Variants in DLGAP2 observed in about 807,000 individuals in gnomAD.
DLGAP2 encodes disks large-associated protein 2.
In DLGAP2, 26 loss-of-function variants were observed where a neutral mutation model predicts 100.3. That is an observed-to-expected ratio of 0.26 (90% CI 0.19 to 0.36). DLGAP2 has a LOEUF of 0.36. DLGAP2 is among the 10% of genes least tolerant of loss of function. The probability of loss-of-function intolerance (pLI) is 1.00; values close to 1 mark genes in which losing one functional copy is unlikely to be tolerated. For synonymous variants in DLGAP2, 886 were observed against 630.1 expected (o/e 1.41, Z -6.08); for missense variants, 1,858 against 1,453.2 (o/e 1.28, Z -4.53).
chr8:984,515 CTGGCCACAGACCAAACCA>C (rs1361412714), intron 2 of DLGAP2, among the ~76,000 whole-genome samples: 22 of 152,322 alleles, frequency 1.4e-4, no homozygotes, highest in African/African-American at 5.1e-4. Flanking sequence ...GCCCACGCTC[CTGGCCACAGACCAAACCA>C]CGGCCGTGCC....
intron 3 of DLGAP2, among the ~76,000 whole-genome samples, chr8:1,499,984 G>T (rs368393889): frequency 6.0e-5 from 9 of 148,800 alleles, no homozygotes; most frequent in African/African-American, 1.5e-4. Flanking sequence ...ACACTTGGGT[G>T]GGGGGGGTGG....
chr8:892,455 C>T (rs1252581896), intron 1 of DLGAP2, among the ~76,000 whole-genome samples: 1 of 152,150 alleles, frequency 6.6e-6, no homozygotes, highest in Non-Finnish European at 1.5e-5. Context: ...CACAGAAAGA[C>T]CTTGCTGTGT....
chr8:1,431,694 G>C (rs1349674942), intron 3 of DLGAP2, among the ~76,000 whole-genome samples: 1 of 152,232 alleles, frequency 6.6e-6, no homozygotes, highest in Non-Finnish European at 1.5e-5. Context: ...CTGCGGAGTG[G>C]AGGCACTGGC....
Position 1,706,636 on chromosome 8 carries a change from A to T in DLGAP2, c.*5230A>T, listed in dbSNP as rs1228774528. 3 of 152,194 alleles carry T rather than the reference A, an allele frequency of 2.0e-5. No individual in the cohort carries two copies. The highest frequency in any genetic ancestry group is 4.4e-5 in the Non-Finnish European group (3 of 68,042). The allele number at this position is 152,194 out of a possible 1,614,324, so 9.4% of individuals were successfully genotyped here. A position where few individuals can be genotyped will look rare whatever the true frequency, so the allele number is the denominator to read the frequency against. On this transcript the variant is annotated 3_prime_UTR_variant, in exon 15 of 15. Transcript: ENST00000637795. The stretch of plus-strand genomic sequence containing the variant: ...TTCCAAGAACAAGAACCCAGCACCA[A>T]CCAGAATTAGGCCACGTTTTCACCA...
At chr8:1,185,732 C>G (rs1797487144) in intron 2 of DLGAP2, among the ~76,000 whole-genome samples, 1 of 41,572 alleles carries the variant, frequency 2.4e-5, no homozygotes, top group Non-Finnish European at 4.8e-5. Context: ...CACACTCACA[C>G]TCACACACAC....
intron 2 of DLGAP2, among the ~76,000 whole-genome samples, chr8:1,059,225 G>C (rs1802977748): frequency 6.6e-6 from 1 of 152,054 alleles, no homozygotes; most frequent in African/African-American, 2.4e-5. Context: ...TCCATCACCA[G>C]CTGGGCCTCA....
intron 2 of DLGAP2, among the ~76,000 whole-genome samples, chr8:1,090,026 C>A (rs553203450): frequency 4.0e-5 from 6 of 150,520 alleles, no homozygotes; most frequent in Admixed American, 1.3e-4. Flanking sequence ...GCCCTCCTGG[C>A]CAGGCAGGGG....
chr8:1,552,786 C>T (rs541040417), intron 5 of DLGAP2, among the ~76,000 whole-genome samples: 2 of 152,192 alleles, frequency 1.3e-5, no homozygotes, highest in Non-Finnish European at 2.9e-5. Context: ...CATTTTCACC[C>T]TTGGTTTGTA....
intron 2 of DLGAP2, among the ~76,000 whole-genome samples, chr8:1,097,207 T>C (rs1232089853): frequency 3.0e-3 from 174 of 58,836 alleles, no homozygotes; most frequent in Admixed American, 4.2e-3. Flanking sequence ...GCTGGGAGCC[T>C]AGGGCAGGCC....
intron 3 of DLGAP2, among the ~76,000 whole-genome samples, chr8:1,465,532 A>T (rs1798602354): frequency 6.6e-6 from 1 of 152,154 alleles, no homozygotes; most frequent in African/African-American, 2.4e-5. Context: ...ACAGGTGAAG[A>T]GATGAGCAAG....
intron 2 of DLGAP2, among the ~76,000 whole-genome samples, chr8:1,056,424 T>G (rs890429408): frequency 2.0e-5 from 3 of 152,250 alleles, no homozygotes; most frequent in Non-Finnish European, 4.4e-5. Flanking sequence ...CCTAGTTTGC[T>G]TATTTACATG....
intron 4 of DLGAP2, among the ~76,000 whole-genome samples, chr8:1,507,547 C>A (rs1487671880): frequency 1.3e-5 from 2 of 152,178 alleles, no homozygotes; most frequent in East Asian, 3.9e-4. Flanking sequence ...CGGCTCCGGC[C>A]TCGGCCAGCC....
At chr8:1,132,714 A>G (rs1796320056) in intron 2 of DLGAP2, among the ~76,000 whole-genome samples, 1 of 152,194 alleles carries the variant, frequency 6.6e-6, no homozygotes. Context: ...CCTGATGGCT[A>G]TAGCAAGGAT....
At chr8:808,010 T>G (rs1239365638) in intron 1 of DLGAP2, among the ~76,000 whole-genome samples, 1 of 152,162 alleles carries the variant, frequency 6.6e-6, no homozygotes, top group Non-Finnish European at 1.5e-5. Flanking sequence ...TACGTGCAGG[T>G]CCAAGGCAGA....
chr8:1,132,913 A>G (rs1190131459), intron 2 of DLGAP2, among the ~76,000 whole-genome samples: 1 of 152,214 alleles, frequency 6.6e-6, no homozygotes, highest in African/African-American at 2.4e-5. Context: ...TTGGGGGTCA[A>G]CAGAAAAATG....
intron 6 of DLGAP2, among the ~76,000 whole-genome samples, chr8:1,614,987 G>A (rs1054423675): frequency 1.3e-5 from 2 of 152,230 alleles, no homozygotes; most frequent in Admixed American, 6.5e-5. Context: ...AGTTCCCTCT[G>A]AGCACCCTCG....
chr8:819,486 G>A (rs998849405), intron 1 of DLGAP2, among the ~76,000 whole-genome samples: 1 of 152,178 alleles, frequency 6.6e-6, no homozygotes, highest in Non-Finnish European at 1.5e-5. Context: ...CATTTCTTCT[G>A]AAGTCTCTAC....
At chr8:1,682,338 T>A (rs528385084) in intron 12 of DLGAP2, among the ~76,000 whole-genome samples, 1 of 152,358 alleles carries the variant, frequency 6.6e-6, no homozygotes, top group East Asian at 1.9e-4. Flanking sequence ...CCTGTCATGG[T>A]AAGTCCTGGT....
At chr8:1,224,078 T>C (rs942576955) in intron 2 of DLGAP2, among the ~76,000 whole-genome samples, 1 of 152,238 alleles carries the variant, frequency 6.6e-6, no homozygotes, top group African/African-American at 2.4e-5. Flanking sequence ...GTACGATATG[T>C]TTGTGGCATC....
Sources: allele counts gnomAD v4.1 joint callset (sites outside exome capture counted in the v4.1 genomes callset), GRCh38; gene constraint gnomAD v4.1.1; transcripts MANE v1.5; gene names NCBI Gene and HGNC (gene_info 2026-07-23, HGNC 2026-07-21).